PAM: variants seen among roughly 807,000 people sequenced by gnomAD.
PAM encodes the protein peptidyl-glycine alpha-amidating monooxygenase.
A neutral mutation model predicts 122.1 loss-of-function variants in PAM; 72 were observed. That is an observed-to-expected ratio of 0.59 (90% CI 0.49 to 0.72). The LOEUF is 0.72. Among genes scored for constraint, PAM ranks in the 30% least tolerant of loss-of-function variants. PAM has a pLI of 0.00. For missense variants in PAM, 1,106 were observed against 1,183.7 expected (o/e 0.93, Z 0.96); for synonymous variants, 389 against 404.4 (o/e 0.96, Z 0.46).
intron 4 of PAM, among the ~76,000 whole-genome samples, chr5:102,911,178 G>A (rs545499505): frequency 6.6e-6 from 1 of 151,986 alleles, no homozygotes; most frequent in East Asian, 1.9e-4. Flanking sequence ...GCAATGAATT[G>A]TACTTTGAGC....
chr5:103,008,956 G>A (rs1779844522), intron 20 of PAM, among the ~76,000 whole-genome samples: 1 of 152,040 alleles, frequency 6.6e-6, no homozygotes, highest in African/African-American at 2.4e-5. Flanking sequence ...TGTTTATAGT[G>A]TTTTTTATAG....
chr5:102,969,469 G>A (rs1765166668), intron 14 of PAM, among the ~76,000 whole-genome samples: 1 of 152,066 alleles, frequency 6.6e-6, no homozygotes, highest in Non-Finnish European at 1.5e-5. Context: ...GAGCAGAGAT[G>A]GGGGTCCTTT....
chr5:102,810,717 A>G (rs536692778), intron 1 of PAM, among the ~76,000 whole-genome samples: 4 of 152,156 alleles, frequency 2.6e-5, no homozygotes, highest in South Asian at 4.1e-4. Flanking sequence ...AATCCCAGCT[A>G]CTCAGGAGGC....
chr5:102,798,482 G>T (rs1244885477), intron 1 of PAM, among the ~76,000 whole-genome samples: 1 of 152,184 alleles, frequency 6.6e-6, no homozygotes, highest in African/African-American at 2.4e-5. Context: ...TTGTATAGTA[G>T]ATGTCTTTTC....
At chr5:102,880,820 A>C in intron 3 of PAM, among the ~76,000 whole-genome samples, 1 of 152,294 alleles carries the variant, frequency 6.6e-6, no homozygotes, top group Non-Finnish European at 1.5e-5. Context: ...AGCTAAAAAT[A>C]ATAAATAGGT....
At chr5:102,935,897 C>T (rs1008939498) in intron 7 of PAM, among the ~76,000 whole-genome samples, 6 of 152,218 alleles carry the variant, frequency 3.9e-5, no homozygotes, top group Non-Finnish European at 2.9e-5. Context: ...CAAACTAGGC[C>T]TACTGAATCA....
intron 1 of PAM, among the ~76,000 whole-genome samples, chr5:102,852,250 G>C (rs1319021487): frequency 6.6e-6 from 1 of 152,018 alleles, no homozygotes; most frequent in Non-Finnish European, 1.5e-5. Flanking sequence ...ACTGATTATG[G>C]GGACTACTGA....
At chr5:102,986,871 A>G (rs1446515651) in intron 15 of PAM, among the ~76,000 whole-genome samples, 2 of 152,172 alleles carry the variant, frequency 1.3e-5, no homozygotes, top group Non-Finnish European at 2.9e-5. Context: ...GTCTGCCAGC[A>G]TATAAGACAT....
intron 7 of PAM, among the ~76,000 whole-genome samples, chr5:102,931,264 C>T (rs1277442851): frequency 6.6e-6 from 1 of 152,138 alleles, no homozygotes; most frequent in Non-Finnish European, 1.5e-5. Context: ...GAGTGTGTCA[C>T]GTTGCCAGTA....
chr5:103,005,926 TTGTTGTTGC>T (rs1470980721), intron 18 of PAM, among the ~76,000 whole-genome samples: 26 of 145,588 alleles, frequency 1.8e-4, no homozygotes, highest in Non-Finnish European at 2.8e-4. Context: ...GTTGTTGTTG[TTGTTGTTGC>T]TGTTGTTGTT....
At position 102,949,899 on chromosome 5, in the gene PAM, C is replaced by A; in HGVS notation, c.725-3C>A. On this transcript the variant is annotated splice_region_variant and splice_polypyrimidine_tract_variant and intron_variant, in intron 10 of 25. Coordinates refer to ENST00000438793, the MANE Select transcript of PAM (RefSeq NM_001177306.2). ...AAATGATTAAAATTTGTGTTTATTA[C>A]AGGTAAGGTAGTAAGTGGATACAGA... 6.7e-7 allele frequency: 1 copy of A among 1,489,854 alleles called. No individual in the cohort carries two copies. The highest frequency in any genetic ancestry group is 9.3e-7 in the Non-Finnish European group (1 of 1,071,500). 92.3% of individuals were successfully genotyped at this position (1,489,854 alleles called of 1,614,324 possible). A position where few individuals can be genotyped will look rare whatever the true frequency, so the allele number is the denominator to read the frequency against.
chr5:102,921,235 C>T (rs948599893), intron 5 of PAM, among the ~76,000 whole-genome samples: 6 of 152,146 alleles, frequency 3.9e-5, no homozygotes, highest in Non-Finnish European at 8.8e-5. Context: ...ATTACAACAG[C>T]CATTGATCAA....
At chr5:102,929,249 A>G (rs1750613729) in intron 7 of PAM, among the ~76,000 whole-genome samples, 1 of 152,184 alleles carries the variant, frequency 6.6e-6, no homozygotes, top group African/African-American at 2.4e-5. Context: ...TATATGCCTG[A>G]TTTACTATAG....
At position 103,027,832 on chromosome 5, in the gene PAM, G is replaced by A. The variant is rs118133948; in HGVS notation, c.2690-353G>A. 8.0e-4 allele frequency among the ~76,000 whole-genome samples: 122 copies of A among 152,232 alleles called. No homozygotes were observed. The East Asian group carries it at 0.021, about 26-fold the overall frequency. On this transcript the variant is annotated intron_variant, in intron 24 of 25. Transcript: ENST00000438793. ...AGCTATGATTTATTGAGCATTTACTGTATATCTATAGGTAGTGTTCTAAAT... is the reference window on the plus strand; with the variant it reads ...AGCTATGATTTATTGAGCATTTACTATATATCTATAGGTAGTGTTCTAAAT...
intron 4 of PAM, among the ~76,000 whole-genome samples, chr5:102,901,799 T>A (rs1434133871): frequency 2.0e-5 from 3 of 151,212 alleles, no homozygotes; most frequent in Non-Finnish European, 4.4e-5. Flanking sequence ...CATTGGTGAA[T>A]GTAAGATTTT....
rs537868936 is a variant in PAM at position 102,783,891 on chromosome 5, A to G, written c.-374+28543A>G. 2.6e-5 allele frequency among the ~76,000 whole-genome samples: 4 copies of G among 151,584 alleles called. No individual in the cohort carries two copies. In the South Asian group the frequency reaches 8.3e-4, roughly 32 times the overall value. On this transcript the variant is annotated intron_variant, in intron 1 of 25. Transcript: ENST00000438793. Reference sequence around the variant, plus strand: ...TGGATCAAGTTCAAAATTCTTCATGATCTACCCCCATCTTTTTTTTTTTGA... The same window carrying G: ...TGGATCAAGTTCAAAATTCTTCATGGTCTACCCCCATCTTTTTTTTTTTGA...
chr5:102,947,171 T>C (rs1293527196), intron 8 of PAM, among the ~76,000 whole-genome samples: 1 of 152,174 alleles, frequency 6.6e-6, no homozygotes, highest in African/African-American at 2.4e-5. Context: ...ACTCACATAG[T>C]TGTCGGCAGG....
chr5:102,829,496 C>T (rs189183470), intron 1 of PAM, among the ~76,000 whole-genome samples: 4 of 151,872 alleles, frequency 2.6e-5, no homozygotes, highest in South Asian at 2.1e-4. Flanking sequence ...CTCAGCCTCC[C>T]GAGTAGCTGG....
intron 1 of PAM, among the ~76,000 whole-genome samples, chr5:102,803,969 T>C (rs1248990102): frequency 6.6e-6 from 1 of 152,046 alleles, no homozygotes; most frequent in East Asian, 1.9e-4. Context: ...CTTCTGATGA[T>C]GGGTCTTGAA....
Sources: gnomAD v4.1 joint callset for allele counts (sites outside exome capture counted in the v4.1 genomes callset) on GRCh38, gnomAD v4.1.1 for gene constraint, MANE v1.5 for transcripts, NCBI Gene and HGNC (gene_info 2026-07-23, HGNC 2026-07-21) for gene names.